TTC29: variants seen among roughly 807,000 people sequenced by gnomAD.
TTC29 encodes the protein tetratricopeptide repeat protein 29.
Under a neutral mutation model 58.1 loss-of-function variants are expected in TTC29, and 49 were observed. That is an observed-to-expected ratio of 0.84 (90% CI 0.67 to 1.07). The LOEUF (loss-of-function observed/expected upper bound fraction) is 1.07, where lower values mean the gene tolerates loss of function less well. Among genes scored for constraint, TTC29 ranks in the 50% least tolerant of loss-of-function variants. The probability of loss-of-function intolerance (pLI) is 0.00; values close to 1 mark genes in which losing one functional copy is unlikely to be tolerated. For missense variants in TTC29, 582 were observed against 555.6 expected (o/e 1.05, Z -0.48); for synonymous variants, 209 against 196.8 (o/e 1.06, Z -0.52).
chr4:146,770,947 A>C (rs955815914), intron 11 of TTC29, among the ~76,000 whole-genome samples: 2 of 152,130 alleles, frequency 1.3e-5, no homozygotes, highest in Non-Finnish European at 2.9e-5. Flanking sequence ...AAAATTGCTT[A>C]GCATAGGGCC....
In TTC29 at chr4:146,821,540, G is replaced by A. The variant is rs1579757127; in HGVS notation, c.978-1292C>T. The stretch of plus-strand genomic sequence containing the variant: ...GGTGTCACTAAAGTCACATATACAA[G>A]TGTTACATATCCTCACAAAATGTTC... On this transcript the variant is annotated intron_variant, in intron 9 of 12. Coordinates refer to ENST00000325106, the MANE Select transcript of TTC29 (RefSeq NM_031956.4). 1.3e-5 allele frequency among the ~76,000 whole-genome samples: 2 copies of A among 152,242 alleles called. 1 individual carries two copies. The highest frequency in any genetic ancestry group is 4.8e-5 in the African/African-American group (2 of 41,538).
chr4:146,759,145 A>T (rs1458334076), intron 11 of TTC29, among the ~76,000 whole-genome samples: 1 of 152,148 alleles, frequency 6.6e-6, no homozygotes, highest in African/African-American at 2.4e-5. Context: ...GAAGCAGGAG[A>T]TATTACAACT....
chr4:146,851,447 G>T (rs1729510953), intron 8 of TTC29, among the ~76,000 whole-genome samples: 1 of 152,118 alleles, frequency 6.6e-6, no homozygotes, highest in Admixed American at 6.5e-5. Context: ...AATTAAGATT[G>T]ATGAAAAGGA....
rs1751719362 is a variant in TTC29, at chr4:146,820,186, T to C, written c.1040A>G (p.Asn347Ser). The change falls in exon 10 of 13, where the codon AAT (asparagine) becomes AGT (serine). Residue 347 changes from asparagine to serine, a missense_variant. Coordinates refer to ENST00000325106, the MANE Select transcript of TTC29 (RefSeq NM_031956.4). ...TCTCACCAAATCTAGGCTTTGAAAATTGTTTCTTGCAATTTTCACAAATTT... is the reference window on the plus strand; with the variant it reads ...TCTCACCAAATCTAGGCTTTGAAAACTGTTTCTTGCAATTTTCACAAATTT... ...LKKFVKIARNNFQSLDLVRAS... is the reference protein window; with the variant it reads ...LKKFVKIARNSFQSLDLVRAS... 2 of 1,613,284 alleles carry C rather than the reference T, an allele frequency of 1.2e-6. No individual in the cohort carries two copies. The highest frequency in any genetic ancestry group is 2.2e-5 in the East Asian group (1 of 44,846).
At chr4:146,786,297 C>T (rs1259315864) in intron 11 of TTC29, among the ~76,000 whole-genome samples, 1 of 152,218 alleles carries the variant, frequency 6.6e-6, no homozygotes, top group Non-Finnish European at 1.5e-5. Context: ...AAGACTGGCA[C>T]TGCCAGGCAA....
chr4:146,884,281 G>A (rs181105122), intron 6 of TTC29, among the ~76,000 whole-genome samples: 14 of 152,092 alleles, frequency 9.2e-5, no homozygotes, highest in Admixed American at 9.2e-4. Context: ...CTAGTTGGAC[G>A]CACCTTCGAA....
At chr4:146,740,668 G>C (rs1272174321) in intron 11 of TTC29, among the ~76,000 whole-genome samples, 1 of 151,810 alleles carries the variant, frequency 6.6e-6, no homozygotes, top group Admixed American at 6.6e-5. Flanking sequence ...AGTTCATTAA[G>C]GAAAATCTAA....
intron 11 of TTC29, among the ~76,000 whole-genome samples, chr4:146,733,284 C>T (rs529881588): frequency 2.0e-5 from 3 of 152,150 alleles, no homozygotes; most frequent in African/African-American, 7.2e-5. Flanking sequence ...TTGGAACCTT[C>T]TTATTTAGTA....
rs1054600796 is a variant in TTC29 at position 146,809,720 on chromosome 4, T to A, written c.1102-6035A>T. On this transcript the variant is annotated intron_variant, in intron 10 of 12. Transcript: ENST00000325106. ...AAATCAAAACCACAATGAGATACCA[T>A]CTCATGCCAGTTAGAATGGTGATCA... is the stretch of plus-strand genomic sequence containing the variant. Among the ~76,000 whole-genome samples, 16 of 149,806 alleles carry A rather than the reference T, an allele frequency of 1.1e-4. 1 individual carries two copies. Among genetic ancestry groups the A allele is most frequent in the African/African-American group, 3.9e-4 (16 of 40,834 alleles).
At chr4:146,818,156 A>G (rs1251092742) in intron 10 of TTC29, among the ~76,000 whole-genome samples, 3 of 152,222 alleles carry the variant, frequency 2.0e-5, no homozygotes, top group Non-Finnish European at 4.4e-5. Context: ...AACCTACAAA[A>G]TGGGAGAAAA....
intron 11 of TTC29, among the ~76,000 whole-genome samples, chr4:146,744,953 T>G (rs1509330): frequency 0.048 from 7,324 of 152,202 alleles, 606 homozygotes; most frequent in African/African-American, 0.17. Context: ...AATAAAAATC[T>G]GCAAATTTAT....
At chr4:146,721,677 A>T (rs1475162394) in intron 11 of TTC29, among the ~76,000 whole-genome samples, 1 of 152,168 alleles carries the variant, frequency 6.6e-6, no homozygotes. Flanking sequence ...AGTTTATATG[A>T]CAGTACAAAA....
At chr4:146,729,734 A>C (rs1309661568) in intron 11 of TTC29, among the ~76,000 whole-genome samples, 1 of 152,122 alleles carries the variant, frequency 6.6e-6, no homozygotes, top group Middle Eastern at 3.2e-3. Flanking sequence ...GCAGAAGTAG[A>C]AGCAGGCATG....
At chr4:146,813,660 G>A (rs751348719) in intron 10 of TTC29, among the ~76,000 whole-genome samples, 15 of 152,108 alleles carry the variant, frequency 9.9e-5, no homozygotes, top group Non-Finnish European at 1.6e-4. Context: ...TTCAGGACAA[G>A]TTTTCAAAAT....
intron 4 of TTC29, chr4:146,934,363 T>A (rs1423061990): frequency 6.6e-6 from 1 of 152,226 alleles, no homozygotes; most frequent in Non-Finnish European, 1.5e-5. Context: ...GCCTTGATGT[T>A]ATTTGCTGAA....
At chr4:146,734,142 A>C (rs1006655895) in intron 11 of TTC29, among the ~76,000 whole-genome samples, 5 of 152,202 alleles carry the variant, frequency 3.3e-5, no homozygotes, top group Admixed American at 3.3e-4. Context: ...TTTTATTTCT[A>C]TAATATGATT....
intron 10 of TTC29, among the ~76,000 whole-genome samples, chr4:146,806,389 C>T (rs2150122863): frequency 6.6e-6 from 1 of 152,302 alleles, no homozygotes; most frequent in Middle Eastern, 3.4e-3. Flanking sequence ...ACAATATTAA[C>T]CTTAAATGTA....
At chr4:146,846,221 TAGA>T (rs898739160) in intron 8 of TTC29, among the ~76,000 whole-genome samples, 1 of 152,198 alleles carries the variant, frequency 6.6e-6, no homozygotes, top group Admixed American at 6.5e-5. Flanking sequence ...ACAATCTTCA[TAGA>T]AGAAGACTTA....
intron 9 of TTC29, among the ~76,000 whole-genome samples, chr4:146,826,185 A>G (rs1487586872): frequency 6.6e-6 from 1 of 152,130 alleles, no homozygotes; most frequent in Non-Finnish European, 1.5e-5. Context: ...ACACTAGTTA[A>G]TGCAGTTTCT....
Sources: allele counts gnomAD v4.1 joint callset (sites outside exome capture counted in the v4.1 genomes callset), GRCh38; gene constraint gnomAD v4.1.1; transcripts MANE v1.5; gene names NCBI Gene and HGNC (gene_info 2026-07-23, HGNC 2026-07-21).